CEP128: variants seen among roughly 807,000 people sequenced by gnomAD.
CEP128 encodes centrosomal protein 128, also known as centrosomal protein 128kDa.
Under a neutral mutation model 156.7 loss-of-function variants are expected in CEP128, and 132 were observed. That is an observed-to-expected ratio of 0.84 (90% CI 0.73 to 0.97). CEP128 has a LOEUF of 0.97. Ranked by LOEUF, CEP128 falls within the 50% of genes least tolerant of loss-of-function variation. CEP128 has a pLI of 0.00. For synonymous variants in CEP128, 469 were observed against 448.9 expected, an observed-to-expected ratio of 1.04 and a Z score of -0.57; for missense variants, 1,252 against 1,281.9, an observed-to-expected ratio of 0.98 and a Z score of 0.36.
intron 19 of CEP128, among the ~76,000 whole-genome samples, chr14:80,737,704 G>A (rs1898606505): frequency 6.6e-6 from 1 of 151,902 alleles, no homozygotes; most frequent in Non-Finnish European, 1.5e-5. Flanking sequence ...AACCTAGCAA[G>A]ACCTCATCTC....
chr14:80,666,643 T>C (rs554720353), intron 19 of CEP128, among the ~76,000 whole-genome samples: 1 of 151,910 alleles, frequency 6.6e-6, no homozygotes, highest in Non-Finnish European at 1.5e-5. Flanking sequence ...ATGGAAACTT[T>C]CTTTGTAAGA....
At chr14:80,691,355 G>C (rs1387170228) in intron 19 of CEP128, among the ~76,000 whole-genome samples, 1 of 152,170 alleles carries the variant, frequency 6.6e-6, no homozygotes, top group Non-Finnish European at 1.5e-5. Flanking sequence ...CTGGAAAGAA[G>C]AGAATGGGTA....
At chr14:80,835,129 C>T (rs1886009563) in intron 12 of CEP128, among the ~76,000 whole-genome samples, 1 of 152,038 alleles carries the variant, frequency 6.6e-6, no homozygotes. Context: ...GAATTTGGTC[C>T]CCCTTTACAC....
chr14:80,929,190 AT>A (rs1177224110), intron 2 of CEP128, among the ~76,000 whole-genome samples: 2 of 152,244 alleles, frequency 1.3e-5, no homozygotes, highest in East Asian at 3.8e-4. Context: ...TCCCAGCAGA[AT>A]GGCCATTATT....
intron 4 of CEP128, among the ~76,000 whole-genome samples, chr14:80,910,165 A>G (rs1884125451): frequency 6.6e-6 from 1 of 152,246 alleles, no homozygotes; most frequent in Admixed American, 6.5e-5. Flanking sequence ...ATATAAATGC[A>G]TGATTTAAAG....
chr14:80,733,057 A>C (rs1898354356), intron 19 of CEP128, among the ~76,000 whole-genome samples: 1 of 152,192 alleles, frequency 6.6e-6, no homozygotes, highest in Non-Finnish European at 1.5e-5. Flanking sequence ...GAAAAAAAGC[A>C]TATTGCCTCC....
intron 14 of CEP128, among the ~76,000 whole-genome samples, chr14:80,786,789 A>G (rs946724535): frequency 1.3e-5 from 2 of 152,124 alleles, no homozygotes; most frequent in African/African-American, 2.4e-5. Flanking sequence ...GGTCTCAGGG[A>G]GGTGTTTATG....
chr14:80,691,246 A>T (rs975667506), intron 19 of CEP128, among the ~76,000 whole-genome samples: 3 of 152,234 alleles, frequency 2.0e-5, no homozygotes, highest in Non-Finnish European at 4.4e-5. Context: ...AGCAAAATTT[A>T]CTTTAAAATT....
intron 23 of CEP128, among the ~76,000 whole-genome samples, chr14:80,525,996 C>T (rs1566757397): frequency 6.6e-6 from 1 of 151,534 alleles, no homozygotes; most frequent in Non-Finnish European, 1.5e-5. Context: ...AAACCTTTAG[C>T]TTTTTTTTAA....
At chr14:80,606,109 G>C (rs181539969) in intron 19 of CEP128, among the ~76,000 whole-genome samples, 2 of 151,782 alleles carry the variant, frequency 1.3e-5, no homozygotes, top group African/African-American at 4.8e-5. Flanking sequence ...TTAATTAGTA[G>C]CTTTTGCTAA....
intron 19 of CEP128, among the ~76,000 whole-genome samples, chr14:80,693,642 T>C (rs941982108): frequency 1.3e-5 from 2 of 152,306 alleles, no homozygotes; most frequent in Admixed American, 1.3e-4. Flanking sequence ...ACAAAGAAGT[T>C]TCCAATACTA....
intron 2 of CEP128, among the ~76,000 whole-genome samples, chr14:80,948,062 T>G (rs1377509637): frequency 7.6e-6 from 1 of 131,926 alleles, no homozygotes; most frequent in African/African-American, 3.3e-5. Context: ...AAGTATGATG[T>G]TATAGGTAAG....
chr14:80,527,885 T>TC (rs747562387), intron 22 of CEP128, among the ~76,000 whole-genome samples: 13 of 152,106 alleles, frequency 8.5e-5, no homozygotes, highest in Non-Finnish European at 1.8e-4. Flanking sequence ...TTCTTTTTTT[T>TC]CCTCTTCATT....
At chr14:80,818,160 C>T (rs1318774680) in intron 13 of CEP128, among the ~76,000 whole-genome samples, 1 of 152,114 alleles carries the variant, frequency 6.6e-6, no homozygotes, top group Non-Finnish European at 1.5e-5. Context: ...GCTGGGACTA[C>T]AGGCATGTAC....
chr14:80,883,761 T>C (rs1457886455), intron 8 of CEP128, among the ~76,000 whole-genome samples: 2 of 151,998 alleles, frequency 1.3e-5, no homozygotes, highest in African/African-American at 4.8e-5. Flanking sequence ...AAAAGACCCA[T>C]AATATTCAAA....
intron 19 of CEP128, among the ~76,000 whole-genome samples, chr14:80,662,236 G>T (rs775113835): frequency 1.2e-4 from 18 of 152,080 alleles, no homozygotes; most frequent in Non-Finnish European, 2.4e-4. Flanking sequence ...ATGAAAAGTG[G>T]CTGATTTACA....
At chr14:80,925,232 A>G (rs547861672) in intron 2 of CEP128, among the ~76,000 whole-genome samples, 89 of 152,192 alleles carry the variant, frequency 5.8e-4, no homozygotes, top group African/African-American at 2.1e-3. Flanking sequence ...GGGGTGGATA[A>G]GACCACCAAG....
rs79998909 is a variant in CEP128, at chr14:80,843,639, A to C, written c.763-2871T>G. Among the ~76,000 whole-genome samples the C allele has an allele frequency of 7.5e-3, 1,135 of 152,194 alleles. 16 individuals are homozygous for C. The highest frequency in any genetic ancestry group is 0.025 in the African/African-American group (1,035 of 41,570). ...GGTAGAAAATAAAAGCCAGTGAAAAAATATTTTAAGCTTAACAGAATATGA... is the reference window on the plus strand; with the variant it reads ...GGTAGAAAATAAAAGCCAGTGAAAACATATTTTAAGCTTAACAGAATATGA... On this transcript the variant is annotated intron_variant, in intron 9 of 24. Transcript: ENST00000555265.
intron 24 of CEP128, among the ~76,000 whole-genome samples, chr14:80,497,839 T>C (rs1887561049): frequency 6.6e-6 from 1 of 152,180 alleles, no homozygotes; most frequent in African/African-American, 2.4e-5. Context: ...TTCGTCAGGA[T>C]ACAATGATAT....
Sources: allele counts gnomAD v4.1 joint callset (sites outside exome capture counted in the v4.1 genomes callset), GRCh38; gene constraint gnomAD v4.1.1; transcripts MANE v1.5; gene names NCBI Gene and HGNC (gene_info 2026-07-23, HGNC 2026-07-21).